Variants in NCKAP5L observed in about 807,000 individuals in gnomAD.
The protein encoded by NCKAP5L is nck-associated protein 5-like.
A neutral mutation model predicts 103.2 loss-of-function variants in NCKAP5L; 54 were observed. The observed-to-expected ratio is 0.52, with a 90% CI of 0.42 to 0.66. The LOEUF (loss-of-function observed/expected upper bound fraction) is 0.66. NCKAP5L is among the 30% of genes least tolerant of loss of function. NCKAP5L has a pLI of 0.00. For synonymous variants in NCKAP5L, 762 were observed against 748.6 expected (o/e 1.02, Z -0.29); for missense variants, 1,733 against 1,750.6 (o/e 0.99, Z 0.18).
In NCKAP5L at chr12:49,796,913, G is replaced by T; in HGVS notation, c.947C>A (p.Thr316Asn). The T allele has an allele frequency of 3.1e-6, 5 of 1,609,638 alleles. No individual in the cohort carries two copies. The highest frequency in any genetic ancestry group is 4.2e-6 in the Non-Finnish European group (5 of 1,178,436). ...TCTGCGGGCCAGGGCACCGAGCAGG[G>T]TGTCGGGGCTGGGTGCCTCATTGGG... Reference protein sequence around the residue: ...GDPNEAPSPDTLLGALARRQL... With the variant: ...GDPNEAPSPDNLLGALARRQL... The change falls in exon 8 of 13, where the codon ACC becomes AAC. Residue 316 changes from threonine (T) to asparagine (N), a missense_variant. Thr to Asn is a moderately conservative substitution (Grantham distance 65). Coordinates refer to ENST00000335999, the MANE Select transcript of NCKAP5L (RefSeq NM_001037806.4).
chr12:49,795,195 T>G lies in NCKAP5L; in HGVS notation c.2665A>C (p.Lys889Gln). Residue 889 changes from lysine to glutamine, a missense_variant, in exon 8 of 13, where the codon AAG becomes CAG. Lys to Gln is a moderately conservative substitution (Grantham distance 53, BLOSUM62 1). Coordinates refer to ENST00000335999, the MANE Select transcript of NCKAP5L (RefSeq NM_001037806.4). ...PHSAIEEKVM[K>Q]GIEENVLRLQ... Reference sequence around the variant, plus strand: ...CGCAGCACGTTCTCCTCAATGCCCTTCATCACCTTCTCCTCGATGGCTGAG... The same window carrying G: ...CGCAGCACGTTCTCCTCAATGCCCTGCATCACCTTCTCCTCGATGGCTGAG... 1.3e-6 allele frequency: 2 copies of G among 1,588,582 alleles called. No individual in the cohort carries two copies. Among genetic ancestry groups the G allele is most frequent in the East Asian group, 2.2e-5 (1 of 44,616 alleles).
intron 1 of NCKAP5L, among the ~76,000 whole-genome samples, chr12:49,809,876 G>A (rs1946220822): frequency 6.6e-6 from 1 of 152,088 alleles, no homozygotes; most frequent in Non-Finnish European, 1.5e-5. Flanking sequence ...CCCTCCTCCT[G>A]ACAACTGGTA....
intron 1 of NCKAP5L, among the ~76,000 whole-genome samples, chr12:49,809,677 T>G (rs1200265344): frequency 6.6e-6 from 1 of 152,080 alleles, no homozygotes; most frequent in East Asian, 1.9e-4. Context: ...GCAAACACCC[T>G]TTCCAGCCAA....
At chr12:49,806,840 G>C (rs878929720) in intron 1 of NCKAP5L, among the ~76,000 whole-genome samples, 1 of 152,222 alleles carries the variant, frequency 6.6e-6, no homozygotes. Context: ...ACAGGGATAA[G>C]AACACTTAGC....
chr12:49,807,051 G>A (rs954974510), intron 1 of NCKAP5L, among the ~76,000 whole-genome samples: 1 of 152,114 alleles, frequency 6.6e-6, no homozygotes, highest in African/African-American at 2.4e-5. Flanking sequence ...AGGGGTCTCC[G>A]CTATAGGGGC....
intron 6 of NCKAP5L, 115 bp from the exon 7 acceptor site, chr12:49,798,578 C>T: frequency 2.3e-6 from 2 of 861,156 alleles, no homozygotes; most frequent in Non-Finnish European, 3.7e-6. Context: ...CTCCCAGACT[C>T]CCAGCCCCAA....
At chr12:49,793,309 G>A in intron 10 of NCKAP5L, 43 bp downstream of exon 10, 2 of 1,561,514 alleles carry the variant, frequency 1.3e-6, no homozygotes, top group Non-Finnish European at 1.7e-6. Context: ...AAGTGGGTAG[G>A]GGGGTGGGGG....
chr12:49,799,312 ATT>A (rs59501745), intron 6 of NCKAP5L, among the ~76,000 whole-genome samples: 2 of 143,432 alleles, frequency 1.4e-5, no homozygotes, highest in African/African-American at 2.6e-5. Flanking sequence ...ATGAGATGAG[ATT>A]TTTTTTTTTT....
rs375631142 is a variant in NCKAP5L, at chr12:49,793,365, G to C, written c.3327C>G (p.Thr1109=). The C allele has an allele frequency of 4.9e-5, 79 of 1,607,656 alleles. No homozygotes were observed. In the African/African-American group the frequency reaches 9.6e-4, roughly 20 times the overall value. The stretch of plus-strand genomic sequence containing the variant: ...GACCCTGCTGACCTGTGAAGTGTGA[G>C]GTGGGCACTGGCTCGGCCAGGCTGT... ...SEDSLAEPVP[T]SHFTACGSLT... is the part of the protein sequence containing the mutation. Residue 1109 remains threonine (T), a synonymous_variant, in exon 10 of 13, where the codon ACC becomes ACG. Transcript: ENST00000335999.
rs528572980 is a variant in NCKAP5L at position 49,819,217 on chromosome 12, C to T, written c.-99+9105G>A. ...GTCCCAGCTACCTGGGAGGCCGAGG[C>T]GGGAGAATAGCTTGAACCTGGGAGG... On this transcript the variant is annotated intron_variant, in intron 1 of 12. Coordinates refer to ENST00000335999, the MANE Select transcript of NCKAP5L (RefSeq NM_001037806.4). 2.0e-4 allele frequency among the ~76,000 whole-genome samples: 30 copies of T among 150,906 alleles called. 1 individual carries two copies. The South Asian group carries it at 5.4e-3, about 27-fold the overall frequency.
Position 49,793,826 on chromosome 12 carries a change from C to A in NCKAP5L, c.3166G>T (p.Val1056Leu). ...CAGGGGCTCTTGGGGTCAGAAGACA[C>A]CGGCTGGAAATCCCCGTACTCAGGC... ...PKPEYGDFQP[V>L]SSDPKSPWPA... The change falls in exon 9 of 13, where the codon GTG becomes TTG. Residue 1056 changes from valine to leucine, a missense_variant. Val to Leu is a conservative substitution (Grantham distance 32). Coordinates refer to ENST00000335999, the MANE Select transcript of NCKAP5L (RefSeq NM_001037806.4). 6.3e-7 allele frequency: 1 copy of A among 1,592,682 alleles called. No individual in the cohort carries two copies. Among genetic ancestry groups the A allele is most frequent in the Non-Finnish European group, 8.5e-7 (1 of 1,169,994 alleles).
chr12:49,804,026 G>C lies in NCKAP5L; in HGVS notation c.19C>G (p.Gln7Glu). The C allele has an allele frequency of 1.2e-6, 2 of 1,611,378 alleles. No individual in the cohort carries two copies. The highest frequency in any genetic ancestry group is 8.5e-7 in the Non-Finnish European group (1 of 1,179,948). MSEAMDQPAGGPGNPRP... is the reference protein window; with the variant it reads MSEAMDEPAGGPGNPRP... Reference sequence around the variant, plus strand: ...GGGTTTCCAGGACCCCCAGCTGGCTGGTCCATGGCCTCTGACATCTGGCCC... The same window carrying C: ...GGGTTTCCAGGACCCCCAGCTGGCTCGTCCATGGCCTCTGACATCTGGCCC... The change falls in exon 3 of 13, where the codon CAG (glutamine) becomes GAG (glutamate). Residue 7 changes from glutamine (Q) to glutamate (E), a missense_variant. Gln to Glu is a conservative substitution (Grantham distance 29, BLOSUM62 2). Coordinates refer to ENST00000335999, the MANE Select transcript of NCKAP5L (RefSeq NM_001037806.4).
rs531856761 is a variant in NCKAP5L, at chr12:49,796,408, C to T, written c.1452G>A (p.Ser484=). 100 of 1,573,660 alleles carry T rather than the reference C, an allele frequency of 6.4e-5. No homozygotes were observed. The South Asian group carries it at 7.7e-4, about 12-fold the overall frequency. ...AGCCACTGTTCCGACAGGGGATTCGCGAGTTCCGGGGGAGCTGGGGACTGA... is the reference window on the plus strand; with the variant it reads ...AGCCACTGTTCCGACAGGGGATTCGTGAGTTCCGGGGGAGCTGGGGACTGA... ...PQLSPQLPRN[S]RIPCRNSGSD... Residue 484 remains serine (S), a synonymous_variant, in exon 8 of 13, where the codon TCG becomes TCA. Transcript: ENST00000335999.
Position 49,801,853 on chromosome 12 carries a change from G to A in NCKAP5L, c.346C>T (p.Pro116Ser). 1 of 1,613,982 alleles carries A rather than the reference G, an allele frequency of 6.2e-7. No individual in the cohort carries two copies. The highest frequency in any genetic ancestry group is 8.5e-7 in the Non-Finnish European group (1 of 1,179,864). ...QKLQLTTGSL[P>S]QIPLTPLQPP... is the part of the protein sequence containing the mutation. ...AAAGGAGCGCAGATGCCTACCTGAG[G>A]GAGCGAGCCTGTCGTGAGCTGGAGT... Residue 116 changes from proline to serine, a missense_variant, in exon 6 of 13, where the codon CCT (proline) becomes TCT (serine). By Grantham distance (74) the Pro-to-Ser change is moderately conservative (BLOSUM62 -1). Transcript: ENST00000335999.
At chr12:49,801,238 A>AAGGTTG (rs1477558912) in intron 6 of NCKAP5L, among the ~76,000 whole-genome samples, 1 of 152,148 alleles carries the variant, frequency 6.6e-6, no homozygotes, top group East Asian at 1.9e-4. Context: ...AACCTCAGAA[A>AAGGTTG]CAACCTGCTG....
chr12:49,791,837 C>G lies in NCKAP5L; in HGVS notation c.*2G>C. 3.1e-6 allele frequency: 5 copies of G among 1,595,036 alleles called. No homozygotes were observed. The highest frequency in any genetic ancestry group is 4.3e-6 in the Non-Finnish European group (5 of 1,169,382). ...AGCGGGGCCGTGGCGTGGCGCAGCC[C>G]CTCAGCCCTGACTCCCACAAGAGGA... On this transcript the variant is annotated 3_prime_UTR_variant, in exon 13 of 13. Transcript: ENST00000335999.
At position 49,798,398 on chromosome 12, in the gene NCKAP5L, C is replaced by G. The variant is rs765698659; in HGVS notation, c.417G>C (p.Glu139Asp). 6 of 1,576,516 alleles carry G rather than the reference C, an allele frequency of 3.8e-6. 1 individual carries two copies. In the South Asian group the frequency reaches 7.0e-5, roughly 18 times the overall value. ...CCAGAGGCAGCGGGGCAGCCGGTCC[C>G]TCAGTGGAGCTCAGGGAGGGGGAGG... The part of the protein sequence containing the change: ...PPASPSLSST[E>D]GPAAPLPLGH... The change falls in exon 7 of 13, where the codon GAG becomes GAC. Residue 139 changes from glutamate (E) to aspartate (D), a missense_variant. By Grantham distance (45) the Glu-to-Asp change is conservative (BLOSUM62 2). Coordinates refer to ENST00000335999, the MANE Select transcript of NCKAP5L (RefSeq NM_001037806.4).
intron 8 of NCKAP5L, among the ~76,000 whole-genome samples, 155 bp downstream of exon 8, chr12:49,794,610 C>CG (rs1945999804): frequency 1.7e-5 from 2 of 119,632 alleles, no homozygotes; most frequent in African/African-American, 7.7e-5. Flanking sequence ...CACTGACCCC[C>CG]CCACCAGCTG....
chr12:49,820,091 T>C (rs78590078), intron 1 of NCKAP5L, among the ~76,000 whole-genome samples: 1,565 of 152,294 alleles, frequency 0.01, 11 homozygotes, highest in South Asian at 0.027. Flanking sequence ...CTTTTCAATA[T>C]CCTGGGCATA....
Sources: allele counts gnomAD v4.1 joint callset (sites outside exome capture counted in the v4.1 genomes callset), GRCh38; gene constraint gnomAD v4.1.1; transcripts MANE v1.5; gene names NCBI Gene and HGNC (gene_info 2026-07-23, HGNC 2026-07-21).